The following MAPK10 variants were observed in gnomAD, a reference collection of about 807,000 sequenced individuals.
MAPK10 encodes mitogen-activated protein kinase 10, also known as JNK3 alpha protein kinase.
In MAPK10, 25 loss-of-function variants were observed where a neutral mutation model predicts 59.3. The observed-to-expected ratio is 0.42, with a 90% CI of 0.31 to 0.59. The LOEUF is 0.59. MAPK10 is among the 20% of genes least tolerant of loss of function. The pLI is 0.15. For synonymous variants in MAPK10, 190 were observed against 200.5 expected (o/e 0.95, Z 0.44); for missense variants, 351 against 568.9 (o/e 0.62, Z 3.90).
At chr4:86,205,570 A>T (rs1057352467) in intron 2 of MAPK10, among the ~76,000 whole-genome samples, 9 of 152,144 alleles carry the variant, frequency 5.9e-5, no homozygotes, top group Admixed American at 3.9e-4. Flanking sequence ...GAAAAATTTT[A>T]AAAATTATCA....
At chr4:86,136,204 G>C (rs1032011959) in intron 4 of MAPK10, among the ~76,000 whole-genome samples, 2 of 152,070 alleles carry the variant, frequency 1.3e-5, no homozygotes, top group African/African-American at 2.4e-5. Context: ...GATACTCCTC[G>C]AGAAGAGCAA....
At chr4:86,160,613 C>T (rs1174256795) in intron 3 of MAPK10, 3 of 151,916 alleles carry the variant, frequency 2.0e-5, no homozygotes, top group Non-Finnish European at 4.4e-5. Flanking sequence ...GCTGGTTGTC[C>T]TACAAGAAGT....
chr4:86,180,491 A>G (rs969359276), intron 3 of MAPK10, among the ~76,000 whole-genome samples: 9 of 129,400 alleles, frequency 7.0e-5, no homozygotes, highest in Admixed American at 2.2e-4. Context: ...GTGTTCATCA[A>G]AAAAAAAAAA....
Position 86,101,166 on chromosome 4 carries a change from G to A in MAPK10, c.616C>T (p.Leu206=), listed in dbSNP as rs2149071621. The A allele has an allele frequency of 6.2e-7, 1 of 1,613,848 alleles. No individual in the cohort carries two copies. The highest frequency in any genetic ancestry group is 8.5e-7 in the Non-Finnish European group (1 of 1,179,884). Residue 206 remains leucine (L), a synonymous_variant, in exon 8 of 14, where the codon CTG becomes TTG. Coordinates refer to ENST00000641462, the MANE Select transcript of MAPK10 (RefSeq NM_138982.4). ...VVKSDCTLKI[L]DFGLARTAGT... ...GCTGTCCTGGCCAGTCCAAAGTCCA[G>A]GATTTTCAATGTGCAATCAGACTTG...
chr4:86,368,388 C>T (rs937330040), intron 1 of MAPK10, among the ~76,000 whole-genome samples: 1 of 152,140 alleles, frequency 6.6e-6, no homozygotes, highest in Non-Finnish European at 1.5e-5. Flanking sequence ...CCATGGTTTA[C>T]ATTAGGGTTC....
chr4:86,460,337 G>A (rs1751615910), intron 1 of MAPK10, among the ~76,000 whole-genome samples: 1 of 152,164 alleles, frequency 6.6e-6, no homozygotes, highest in Non-Finnish European at 1.5e-5. Flanking sequence ...GTTCTGGAAG[G>A]CAGGGCCAGG....
At chr4:86,171,076 TG>T (rs2073981007) in intron 3 of MAPK10, 1 of 151,290 alleles carries the variant, frequency 6.6e-6, no homozygotes, top group African/African-American at 2.4e-5. Context: ...TTCGAAGCAG[TG>T]TGTAGAGGGA....
chr4:86,431,935 C>T (rs1232252812), intron 1 of MAPK10, among the ~76,000 whole-genome samples: 1 of 152,204 alleles, frequency 6.6e-6, no homozygotes, highest in Non-Finnish European at 1.5e-5. Flanking sequence ...TCTGTGTATC[C>T]TCCTTACACT....
At chr4:86,396,565 G>A (rs904775158) in intron 1 of MAPK10, among the ~76,000 whole-genome samples, 1 of 152,162 alleles carries the variant, frequency 6.6e-6, no homozygotes, top group Non-Finnish European at 1.5e-5. Flanking sequence ...TTACTATAAG[G>A]AAATACTTGA....
At chr4:86,402,491 TC>T (rs1743850750) in intron 1 of MAPK10, among the ~76,000 whole-genome samples, 2 of 152,200 alleles carry the variant, frequency 1.3e-5, no homozygotes, top group African/African-American at 4.8e-5. Flanking sequence ...TTTTTAAAAA[TC>T]AGCTGCTAAA....
At chr4:86,362,258 C>T (rs967243299), upstream of MAPK10, among the ~76,000 whole-genome samples, 8 of 152,052 alleles carry the variant, frequency 5.3e-5, no homozygotes, top group Admixed American at 2.0e-4. Context: ...TCTTACCTTA[C>T]ATTGTGAACA....
At chr4:86,174,212 A>G (rs1338898215) in intron 3 of MAPK10, among the ~76,000 whole-genome samples, 2 of 152,034 alleles carry the variant, frequency 1.3e-5, no homozygotes, top group Non-Finnish European at 2.9e-5. Flanking sequence ...CAAAGACATG[A>G]CAAACCCAAA....
At chr4:86,522,642 T>G (rs747389514) in intron 1 of MAPK10, among the ~76,000 whole-genome samples, 1 of 152,244 alleles carries the variant, frequency 6.6e-6, no homozygotes, top group African/African-American at 2.4e-5. Context: ...TGGTTCTTTT[T>G]GTTCCCCACC....
rs1389125973 is a variant in MAPK10 at position 86,256,383 on chromosome 4, A to T, written c.-6-61976T>A. 2.0e-5 allele frequency among the ~76,000 whole-genome samples: 3 copies of T among 152,326 alleles called. No individual in the cohort carries two copies. The East Asian group carries it at 5.8e-4, about 29-fold the overall frequency. The stretch of plus-strand genomic sequence containing the variant: ...GCTACAATGAGAAAATTATAGCTAT[A>T]AAGTTGTTTTATAAAAGTTTCCACT... On this transcript the variant is annotated intron_variant, in intron 2 of 13. Coordinates refer to ENST00000641462, the MANE Select transcript of MAPK10 (RefSeq NM_138982.4).
chr4:86,168,870 C>G (rs1376050290), intron 3 of MAPK10, among the ~76,000 whole-genome samples: 2 of 152,124 alleles, frequency 1.3e-5, no homozygotes, highest in African/African-American at 2.4e-5. Flanking sequence ...ACAAAACTTC[C>G]AGAGGAACGA....
intron 1 of MAPK10, among the ~76,000 whole-genome samples, chr4:86,581,505 A>G (rs1312981117): frequency 1.3e-5 from 2 of 152,094 alleles, no homozygotes; most frequent in African/African-American, 4.8e-5. Context: ...TCAAAATTAT[A>G]TATGTTCACA....
At chr4:86,110,960 A>G (rs1275794882) in intron 4 of MAPK10, among the ~76,000 whole-genome samples, 1 of 152,038 alleles carries the variant, frequency 6.6e-6, no homozygotes, top group Non-Finnish European at 1.5e-5. Flanking sequence ...TGTTAGCTGT[A>G]TTCCTAGGTA....
intron 11 of MAPK10, among the ~76,000 whole-genome samples, chr4:86,047,242 C>T (rs1359469502): frequency 6.6e-6 from 1 of 151,740 alleles, no homozygotes; most frequent in African/African-American, 2.4e-5. Flanking sequence ...AGGGGGCGGC[C>T]GAAGAGTACT....
At chr4:86,220,077 T>C (rs1175259008) in intron 2 of MAPK10, among the ~76,000 whole-genome samples, 2 of 152,196 alleles carry the variant, frequency 1.3e-5, no homozygotes, top group Non-Finnish European at 2.9e-5. Context: ...ACATTTACTA[T>C]TTTAAGATAT....
Sources: gnomAD v4.1 joint callset for allele counts (sites outside exome capture counted in the v4.1 genomes callset) on GRCh38, gnomAD v4.1.1 for gene constraint, MANE v1.5 for transcripts, NCBI Gene and HGNC (gene_info 2026-07-23, HGNC 2026-07-21) for gene names.